Variants in GLS observed in about 807,000 individuals in gnomAD.
GLS encodes glutaminase kidney isoform, mitochondrial.
GLS carries 36 observed loss-of-function variants against 86.7 expected under a neutral mutation model. The ratio of observed to expected loss-of-function variants is 0.42; its 90% CI spans 0.32 to 0.55. The LOEUF is 0.55. Ranked by LOEUF, GLS falls within the 20% of genes least tolerant of loss-of-function variation. The probability of loss-of-function intolerance (pLI) is 0.17; values close to 1 mark genes in which losing one functional copy is unlikely to be tolerated. For missense variants in GLS, 528 were observed against 833.4 expected (o/e 0.63, Z 4.51); for synonymous variants, 317 against 305.9 (o/e 1.04, Z -0.38).
At position 190,881,297 on chromosome 2, in the gene GLS, C is replaced by G; in HGVS notation, c.213C>G (p.Gly71=). The G allele has an allele frequency of 2.1e-6, 3 of 1,449,060 alleles. No individual in the cohort carries two copies. The South Asian group carries it at 4.0e-5, about 19-fold the overall frequency. The allele number at this position is 1,449,060 out of a possible 1,614,324, so 89.8% of individuals were successfully genotyped here. A position where few individuals can be genotyped will look rare whatever the true frequency, so the allele number is the denominator to read the frequency against. ...GGWPAEPLAR[G]LSSSPSEILQ... is the part of the protein sequence containing the mutation. ...GGCCGGCGGAGCCCCTCGCGCGGGG[C>G]CTGTCCAGCTCTCCTTCGGAGATCT... Residue 71 remains glycine, a synonymous_variant, in exon 1 of 18, where the codon GGC becomes GGG. Coordinates refer to ENST00000320717, the MANE Select transcript of GLS (RefSeq NM_014905.5).
At chr2:190,887,108 C>T (rs1301368445) in intron 1 of GLS, among the ~76,000 whole-genome samples, 2 of 152,174 alleles carry the variant, frequency 1.3e-5, no homozygotes, top group East Asian at 1.9e-4. Flanking sequence ...TGCCTTTTCA[C>T]CTTTAAGTCA....
chr2:190,918,058 T>G (rs533405783), intron 7 of GLS, among the ~76,000 whole-genome samples: 1 of 152,298 alleles, frequency 6.6e-6, no homozygotes, highest in African/African-American at 2.4e-5. Context: ...GCATAATTCT[T>G]AAGGACTCTA....
At chr2:190,926,172 A>G (rs953840926) in intron 11 of GLS, among the ~76,000 whole-genome samples, 2 of 152,194 alleles carry the variant, frequency 1.3e-5, no homozygotes, top group African/African-American at 4.8e-5. Context: ...GCAAATTAAG[A>G]ATGTGCTGCC....
In GLS at chr2:190,905,307, C is replaced by T; in HGVS notation, c.979+140C>T. The T allele has an allele frequency of 3.4e-6, 2 of 587,934 alleles. No individual in the cohort carries two copies. Among genetic ancestry groups the T allele is most frequent in the Non-Finnish European group, 5.9e-6 (2 of 338,840 alleles). 36.4% of individuals were successfully genotyped at this position (587,934 alleles called of 1,614,324 possible). On this transcript the variant is annotated intron_variant, in intron 6 of 17. Coordinates refer to ENST00000320717, the MANE Select transcript of GLS (RefSeq NM_014905.5). The surrounding 1 kb of genome is among the most constrained non-coding windows in gnomAD (Gnocchi z 4.6). ...ATATAATCCATTGAGAGAGTTTCATCACCTACTTTTAAAAATGATTATTTT... is the reference window on the plus strand; with the variant it reads ...ATATAATCCATTGAGAGAGTTTCATTACCTACTTTTAAAAATGATTATTTT...
chr2:190,889,225 T>C (rs565887474), intron 1 of GLS, among the ~76,000 whole-genome samples: 45 of 152,354 alleles, frequency 3.0e-4, no homozygotes, highest in Middle Eastern at 3.4e-3. Context: ...GTTTTGATTT[T>C]TTATTTTTCA....
At position 190,930,627 on chromosome 2, in the gene GLS, T is replaced by A; in HGVS notation, c.1557+59T>A. The A allele has an allele frequency of 6.8e-7, 1 of 1,466,768 alleles. No individual in the cohort carries two copies. Among genetic ancestry groups the A allele is most frequent in the Non-Finnish European group, 9.3e-7 (1 of 1,071,046 alleles). The allele number at this position is 1,466,768 out of a possible 1,614,324, so 90.9% of individuals were successfully genotyped here. ...TACAAGTTGAGCCATCCAATGATTC[T>A]TTTTTTTAACCCATTTTCCATAGTT... On this transcript the variant is annotated intron_variant, in intron 13 of 17. Transcript: ENST00000320717. The surrounding 1 kb of genome is among the most constrained non-coding windows in gnomAD (Gnocchi z 5.0).
intron 14 of GLS, among the ~76,000 whole-genome samples, chr2:190,941,595 T>G (rs372976627): frequency 6.6e-6 from 1 of 151,982 alleles, no homozygotes; most frequent in African/African-American, 2.4e-5. Flanking sequence ...TGGTTAAATA[T>G]GGTTGGTTTT....
Position 190,962,181 on chromosome 2 carries a change from A to G in GLS, c.1854-649A>G, listed in dbSNP as rs1054833364. ...ATTCATCTACATCACTCTAAACAGCACAGCCCCAGAAGCATGGAAAGGGGA... is the reference window on the plus strand; with the variant it reads ...ATTCATCTACATCACTCTAAACAGCGCAGCCCCAGAAGCATGGAAAGGGGA... On this transcript the variant is annotated intron_variant, in intron 17 of 17. Coordinates refer to ENST00000320717, the MANE Select transcript of GLS (RefSeq NM_014905.5). The surrounding 1 kb of genome is among the most constrained non-coding windows in gnomAD (Gnocchi z 4.2). 6.6e-6 allele frequency among the ~76,000 whole-genome samples: 1 copy of G among 152,202 alleles called. No homozygotes were observed. Among genetic ancestry groups the G allele is most frequent in the Non-Finnish European group, 1.5e-5 (1 of 68,038 alleles).
intron 1 of GLS, among the ~76,000 whole-genome samples, chr2:190,890,363 T>C (rs2125978513): frequency 6.6e-6 from 1 of 152,182 alleles, no homozygotes; most frequent in East Asian, 1.9e-4. Context: ...CTCTCTTTTA[T>C]CTGTACACTG....
At position 190,895,771 on chromosome 2, in the gene GLS, C is replaced by G; in HGVS notation, c.605+46C>G. On this transcript the variant is annotated intron_variant, in intron 3 of 17. Coordinates refer to ENST00000320717, the MANE Select transcript of GLS (RefSeq NM_014905.5). This position sits in a 1 kb window ranked among gnomAD's most constrained non-coding sequence, Gnocchi z 4.2. ...TTTAATGGTGATTTGCTATGCTATA[C>G]GGTGATTCTGCTTTTAAAACAAAAT... The G allele has an allele frequency of 6.8e-7, 1 of 1,476,682 alleles. No homozygotes were observed. The highest frequency in any genetic ancestry group is 9.1e-7 in the Non-Finnish European group (1 of 1,093,674). The allele number at this position is 1,476,682 out of a possible 1,614,324, so 91.5% of individuals were successfully genotyped here. A position where few individuals can be genotyped will look rare whatever the true frequency, so the allele number is the denominator to read the frequency against.
chr2:190,898,674 C>T (rs985320579), intron 3 of GLS, among the ~76,000 whole-genome samples: 45 of 152,164 alleles, frequency 3.0e-4, no homozygotes, highest in Non-Finnish European at 4.4e-4. Flanking sequence ...TCTTGTTGCC[C>T]AGGCTGGAGT....
At chr2:190,934,597 G>C (rs1426566184) in intron 14 of GLS, 1 of 984,008 alleles carries the variant, frequency 1.0e-6, no homozygotes, top group Admixed American at 6.2e-5. Context: ...TTGGAAAAAA[G>C]GCATTGTGGT....
chr2:190,924,031 A>C lies in GLS; in HGVS notation c.1197+48A>C. The C allele has an allele frequency of 1.1e-6, 1 of 939,740 alleles. No individual in the cohort carries two copies. 58.2% of individuals were successfully genotyped at this position (939,740 alleles called of 1,614,324 possible). A position where few individuals can be genotyped will look rare whatever the true frequency, so the allele number is the denominator to read the frequency against. ...TTCAAATTATTCTTTCATTTAATAA[A>C]ATACATGAAGATGTATGCTAAGAAT... On this transcript the variant is annotated intron_variant, in intron 10 of 17. Transcript: ENST00000320717. This position sits in a 1 kb window ranked among gnomAD's most constrained non-coding sequence, Gnocchi z 5.2.
At chr2:190,898,598 G>A (rs999642717) in intron 3 of GLS, among the ~76,000 whole-genome samples, 1 of 152,160 alleles carries the variant, frequency 6.6e-6, no homozygotes, top group Non-Finnish European at 1.5e-5. Context: ...CAGAACATTT[G>A]TAAAGTTTCA....
At chr2:190,890,407 G>T (rs146027557) in intron 1 of GLS, among the ~76,000 whole-genome samples, 1 of 151,994 alleles carries the variant, frequency 6.6e-6, no homozygotes, top group Non-Finnish European at 1.5e-5. Flanking sequence ...TACCTCATAG[G>T]GTTTTAATAT....
At chr2:190,961,983 G>T (rs1314442276) in intron 17 of GLS, among the ~76,000 whole-genome samples, 2 of 152,118 alleles carry the variant, frequency 1.3e-5, no homozygotes, top group Admixed American at 6.5e-5. Context: ...GAGAGAGATT[G>T]GGTAGGAAGA....
At chr2:190,890,408 GTTT>G (rs1326148158) in intron 1 of GLS, among the ~76,000 whole-genome samples, 2 of 152,084 alleles carry the variant, frequency 1.3e-5, no homozygotes, top group African/African-American at 2.4e-5. Flanking sequence ...ACCTCATAGG[GTTT>G]TAATATGATA....
Position 190,905,100 on chromosome 2 carries a change from T to C in GLS, c.912T>C (p.Tyr304=). 1 of 1,603,622 alleles carries C rather than the reference T, an allele frequency of 6.2e-7. No individual in the cohort carries two copies. Among genetic ancestry groups the C allele is most frequent in the Non-Finnish European group, 8.5e-7 (1 of 1,170,548 alleles). ...CTGTTAATGATCTTGGAACTGAATA[T>C]GTGCATCGATATGTTGGAAAAGAGC... ...AIAVNDLGTE[Y]VHRYVGKEPS... Residue 304 remains tyrosine, a synonymous_variant, in exon 6 of 18, where the codon TAT becomes TAC. Transcript: ENST00000320717. This position sits in a 1 kb window ranked among gnomAD's most constrained non-coding sequence, Gnocchi z 4.6.
Position 190,955,322 on chromosome 2 carries a change from CCT to C in GLS, c.1853+505_1853+506del, listed in dbSNP as rs1020765676. Among the ~76,000 whole-genome samples, 11 of 152,138 alleles carry C rather than the reference CCT, an allele frequency of 7.2e-5. No individual in the cohort carries two copies. The highest frequency in any genetic ancestry group is 2.7e-4 in the African/African-American group (11 of 41,414). ...GGCCCTGGTGTGTGATGTTCCCCTC[CCT>C]GTGTCCATGTGTTCTCACTGTTCCA... On this transcript the variant is annotated intron_variant, in intron 17 of 17. Coordinates refer to ENST00000320717, the MANE Select transcript of GLS (RefSeq NM_014905.5). The surrounding 1 kb of genome is among the most constrained non-coding windows in gnomAD (Gnocchi z 5.6).
Sources: gnomAD v4.1 joint callset for allele counts (sites outside exome capture counted in the v4.1 genomes callset) on GRCh38, gnomAD v4.1.1 for gene constraint, Gnocchi (gnomAD v3.1) non-coding constraint, MANE v1.5 for transcripts, NCBI Gene and HGNC (gene_info 2026-07-23, HGNC 2026-07-21) for gene names.